The following LNPEP variants were observed in gnomAD, a reference collection of about 807,000 sequenced individuals.
LNPEP encodes the protein leucyl and cystinyl aminopeptidase.
In LNPEP, 64 loss-of-function variants were observed where a neutral mutation model predicts 120.6. The ratio of observed to expected loss-of-function variants is 0.53; its 90% CI spans 0.43 to 0.65. The LOEUF is 0.65. LNPEP is among the 30% of genes least tolerant of loss of function. LNPEP has a pLI of 0.00. For synonymous variants in LNPEP, 435 were observed against 425.4 expected (o/e 1.02, Z -0.28); for missense variants, 1,057 against 1,200.0 (o/e 0.88, Z 1.76).
intron 11 of LNPEP, chr5:97,010,790 G>A: frequency 1.0e-6 from 1 of 985,322 alleles, no homozygotes; most frequent in African/African-American, 1.7e-5. Flanking sequence ...TATGAGGGTA[G>A]CTTCATCCAC....
intron 2 of LNPEP, among the ~76,000 whole-genome samples, chr5:96,980,627 T>C (rs1790099982): frequency 6.6e-6 from 1 of 152,176 alleles, no homozygotes; most frequent in Non-Finnish European, 1.5e-5. Context: ...GCATGTAGTT[T>C]GAAATTCTGG....
rs567960185 is a variant in LNPEP at position 97,010,195 on chromosome 5, CCTCT to C, written c.2036-3442_2036-3439del. ...AGTTTCCCTCTTCCCTTTCTTCCTC[CCTCT>C]CTCTCTCTCTTTCTTATCCACATTT... On this transcript the variant is annotated intron_variant, in intron 11 of 17. Coordinates refer to ENST00000231368, the MANE Select transcript of LNPEP (RefSeq NM_005575.3). 1.4e-4 allele frequency: 102 copies of C among 754,594 alleles called. No homozygotes were observed. In the African/African-American group the frequency reaches 1.6e-3, roughly 12 times the overall value. The allele number at this position is 754,594 out of a possible 1,614,324, so 46.7% of individuals were successfully genotyped here. A position where few individuals can be genotyped will look rare whatever the true frequency, so the allele number is the denominator to read the frequency against.
intron 1 of LNPEP, among the ~76,000 whole-genome samples, chr5:96,971,351 G>GTT (rs982188653): frequency 2.2e-5 from 3 of 138,606 alleles, no homozygotes; most frequent in African/African-American, 7.7e-5. Context: ...TTATTTGTGT[G>GTT]TGTGTGTGTG....
intron 17 of LNPEP, 51 bp downstream of exon 17, chr5:97,027,865 C>A (rs761931218): frequency 9.5e-7 from 1 of 1,054,754 alleles, no homozygotes. Flanking sequence ...TCCGCACACC[C>A]GGACCAGGCT....
intron 15 of LNPEP, 112 bp downstream of exon 15, chr5:97,024,794 GCCA>G (rs1791299990): frequency 1.0e-6 from 1 of 955,416 alleles, no homozygotes; most frequent in Non-Finnish European, 1.6e-6. Context: ...TCTGTTACAG[GCCA>G]GGCCTAAGTT....
Position 96,979,613 on chromosome 5 carries a change from G to A in LNPEP, c.495G>A (p.Gln165=), listed in dbSNP as rs530437400. The A allele has an allele frequency of 1.1e-5, 18 of 1,614,100 alleles. No homozygotes were observed. The East Asian group carries it at 3.1e-4, about 28-fold the overall frequency. ...ATGGGAAATTGTTTCCATGGGCACA[G>A]ATCAGGCTTCCCACTGCCGTTGTGC... is the stretch of plus-strand genomic sequence containing the variant. ...ATNGKLFPWA[Q]IRLPTAVVPL... Residue 165 remains glutamine (Q), a synonymous_variant, in exon 2 of 18, where the codon CAG becomes CAA. Transcript: ENST00000231368.
At position 97,020,357 on chromosome 5, in the gene LNPEP, A is replaced by G. The variant is rs181383452; in HGVS notation, c.2377-1943A>G. Among the ~76,000 whole-genome samples, 143 of 152,326 alleles carry G rather than the reference A, an allele frequency of 9.4e-4. 1 individual carries two copies. The highest frequency in any genetic ancestry group is 3.2e-3 in the African/African-American group (135 of 41,586). On this transcript the variant is annotated intron_variant, in intron 13 of 17. Transcript: ENST00000231368. ...TTTTGCTTGTGGTCATCTGTGGTAC[A>G]TGATTACTTGAGATGAGATGCCACG...
chr5:96,986,816 T>C (rs1790255037), intron 4 of LNPEP, 146 bp downstream of exon 4: 1 of 758,604 alleles, frequency 1.3e-6, no homozygotes, highest in Admixed American at 2.7e-5. Flanking sequence ...TGCTACTTTT[T>C]TGCTTAGCTG....
intron 8 of LNPEP, 51 bp downstream of exon 8, chr5:96,998,196 A>G (rs762884968): frequency 1.8e-5 from 25 of 1,372,370 alleles, no homozygotes; most frequent in Non-Finnish European, 2.4e-5. Context: ...ATTTCGTATA[A>G]TTTCGTATGT....
intron 13 of LNPEP, among the ~76,000 whole-genome samples, chr5:97,020,687 A>G: frequency 6.6e-6 from 1 of 152,114 alleles, no homozygotes; most frequent in Non-Finnish European, 1.5e-5. Context: ...TTGTAGTCCC[A>G]GCTACTCGGG....
rs1275200137 is a variant in LNPEP at position 96,954,772 on chromosome 5, A to ATAT, written c.19+18599_19+18600insATT. Among the ~76,000 whole-genome samples, 10 of 27,108 alleles carry ATAT rather than the reference A, an allele frequency of 3.7e-4. 2 individuals are homozygous for ATAT. Among genetic ancestry groups the ATAT allele is most frequent in the East Asian group, 2.3e-3 (2 of 852 alleles). The allele number at this position is 27,108 out of a possible 152,430, so 17.8% of individuals were successfully genotyped here. ...CACATATATATATATATATATATAT[A>ATAT]TTTTTTTTTTTTTTTTTTTTTTTTT... On this transcript the variant is annotated intron_variant, in intron 1 of 17. Transcript: ENST00000231368.
intron 8 of LNPEP, among the ~76,000 whole-genome samples, chr5:97,000,891 G>A (rs1444533872): frequency 2.0e-5 from 3 of 152,114 alleles, no homozygotes; most frequent in Admixed American, 6.5e-5. Context: ...AGAGAGATAC[G>A]AGATTGAGAT....
At chr5:96,954,163 A>G (rs1789386159) in intron 1 of LNPEP, among the ~76,000 whole-genome samples, 1 of 152,200 alleles carries the variant, frequency 6.6e-6, no homozygotes, top group Admixed American at 6.5e-5. Context: ...CAACCCTAAA[A>G]CTATCTTCCT....
chr5:96,958,404 T>C, intron 1 of LNPEP: 1 of 827,148 alleles, frequency 1.2e-6, no homozygotes, highest in Non-Finnish European at 1.5e-6. Flanking sequence ...AATTACCTAA[T>C]AGCTATACCA....
At chr5:96,937,230 G>A (rs1788927102) in intron 1 of LNPEP, 1 of 152,196 alleles carries the variant, frequency 6.6e-6, no homozygotes, top group African/African-American at 2.4e-5. Flanking sequence ...CCACTCAAGA[G>A]CAGACAGATA....
intron 1 of LNPEP, among the ~76,000 whole-genome samples, chr5:96,953,676 G>A (rs1789376724): frequency 6.6e-6 from 1 of 152,158 alleles, no homozygotes; most frequent in Non-Finnish European, 1.5e-5. Flanking sequence ...GGATTTTCAT[G>A]TGTTATCTTG....
intron 1 of LNPEP, among the ~76,000 whole-genome samples, chr5:96,953,575 C>T (rs1289384109): frequency 6.6e-6 from 1 of 152,204 alleles, no homozygotes; most frequent in Non-Finnish European, 1.5e-5. Flanking sequence ...AGGACATTCA[C>T]TCCCTGCATG....
intron 14 of LNPEP, 58 bp from the exon 15 acceptor site, chr5:97,024,463 C>A: frequency 6.6e-7 from 1 of 1,511,418 alleles, no homozygotes; most frequent in Non-Finnish European, 9.1e-7. Context: ...GCCAACTCTT[C>A]GCCTTTGTAT....
chr5:96,985,017 T>C, intron 2 of LNPEP, 63 bp from the exon 3 acceptor site: 1 of 1,555,414 alleles, frequency 6.4e-7, no homozygotes, highest in Non-Finnish European at 8.8e-7. Flanking sequence ...TTAGTATACT[T>C]GGCAGGGTGC....
Sources: gnomAD v4.1 joint callset for allele counts (sites outside exome capture counted in the v4.1 genomes callset) on GRCh38, gnomAD v4.1.1 for gene constraint, MANE v1.5 for transcripts, NCBI Gene and HGNC (gene_info 2026-07-23, HGNC 2026-07-21) for gene names.